MARCHF1: variants seen among roughly 807,000 people sequenced by gnomAD.
The protein encoded by MARCHF1 is E3 ubiquitin-protein ligase MARCHF1.
A neutral mutation model predicts 54.2 loss-of-function variants in MARCHF1; 40 were observed. The observed-to-expected ratio is 0.74, with a 90% CI of 0.57 to 0.96. MARCHF1 has a LOEUF of 0.96. MARCHF1 is among the 40% of genes least tolerant of loss of function. The pLI, the probability that MARCHF1 is intolerant of heterozygous loss-of-function variation, is 0.00. For synonymous variants in MARCHF1, 236 were observed against 236.3 expected, an observed-to-expected ratio of 1.00 and a Z score of 0.01; for missense variants, 586 against 656.5, an observed-to-expected ratio of 0.89 and a Z score of 1.17.
chr4:164,167,499 T>C (rs1207543718), intron 1 of MARCHF1, among the ~76,000 whole-genome samples: 2 of 151,556 alleles, frequency 1.3e-5, no homozygotes, highest in Non-Finnish European at 3.0e-5. Flanking sequence ...AAAAGCAAAG[T>C]TGGAGACATC....
At chr4:163,762,681 A>G (rs1746861590) in intron 4 of MARCHF1, among the ~76,000 whole-genome samples, 1 of 152,140 alleles carries the variant, frequency 6.6e-6, no homozygotes, top group Non-Finnish European at 1.5e-5. Context: ...ACTTACCTTA[A>G]TTAGTAATCA....
chr4:164,054,793 G>A (rs1356174076), intron 2 of MARCHF1, among the ~76,000 whole-genome samples: 2 of 108,814 alleles, frequency 1.8e-5, no homozygotes, highest in African/African-American at 3.5e-5. Context: ...TGGGGGGAGG[G>A]GGGAGGGATA....
At chr4:163,549,343 G>C (rs1023697308) in intron 8 of MARCHF1, among the ~76,000 whole-genome samples, 6 of 152,084 alleles carry the variant, frequency 3.9e-5, no homozygotes, top group Admixed American at 3.9e-4. Context: ...GTCTCTCGGT[G>C]TTGAGAAGAC....
At chr4:163,761,684 G>T (rs1166014455) in intron 4 of MARCHF1, among the ~76,000 whole-genome samples, 1 of 152,130 alleles carries the variant, frequency 6.6e-6, no homozygotes, top group Non-Finnish European at 1.5e-5. Context: ...ACAGTGAAGG[G>T]AATTCTGGGA....
chr4:164,340,405 T>TTATATACATATATATATA (rs58808830), intron 1 of MARCHF1, among the ~76,000 whole-genome samples: 24 of 95,642 alleles, frequency 2.5e-4, no homozygotes, highest in African/African-American at 8.3e-4. Flanking sequence ...AGGCCTTGAT[T>TTATATACATATATATATA]TATATATAGA....
At chr4:163,849,692 T>A (rs1303783387) in intron 4 of MARCHF1, among the ~76,000 whole-genome samples, 1 of 152,112 alleles carries the variant, frequency 6.6e-6, no homozygotes, top group Non-Finnish European at 1.5e-5. Flanking sequence ...GATTACCCAC[T>A]CCCATTCTTT....
At chr4:163,900,279 A>T (rs1306582427) in intron 3 of MARCHF1, among the ~76,000 whole-genome samples, 1 of 152,124 alleles carries the variant, frequency 6.6e-6, no homozygotes, top group Non-Finnish European at 1.5e-5. Flanking sequence ...AAATTAAAAA[A>T]ATATTTAGGG....
At chr4:164,001,390 T>C (rs1299793229) in intron 2 of MARCHF1, among the ~76,000 whole-genome samples, 1 of 151,682 alleles carries the variant, frequency 6.6e-6, no homozygotes, top group Non-Finnish European at 1.5e-5. Context: ...CAGGTAATAA[T>C]ATAAGAGACA....
intron 3 of MARCHF1, among the ~76,000 whole-genome samples, chr4:163,867,814 C>CT (rs34739113): frequency 0.75 from 98,154 of 130,976 alleles, 37,684 homozygotes; most frequent in East Asian, 0.93. Context: ...CATCAATTTC[C>CT]TTTTTTTTTT....
At chr4:163,594,598 T>C (rs1172679034) in intron 7 of MARCHF1, among the ~76,000 whole-genome samples, 11 of 151,548 alleles carry the variant, frequency 7.3e-5, no homozygotes, top group South Asian at 6.3e-4. Context: ...CATTAAAAAA[T>C]GAGCAAAGGA....
intron 4 of MARCHF1, among the ~76,000 whole-genome samples, chr4:163,709,212 G>T (rs1745035371): frequency 6.6e-6 from 1 of 152,116 alleles, no homozygotes. Context: ...AGCATGGCGG[G>T]ATTGAGGGAA....
intron 2 of MARCHF1, among the ~76,000 whole-genome samples, chr4:164,075,153 A>G (rs1356187463): frequency 6.6e-6 from 1 of 152,220 alleles, no homozygotes; most frequent in African/African-American, 2.4e-5. Context: ...GAAAACAGCA[A>G]AAGTGTCAAG....
rs182091367 is a variant in MARCHF1 at position 163,688,701 on chromosome 4, G to A, written c.162+12112C>T. On this transcript the variant is annotated intron_variant, in intron 5 of 9. Coordinates refer to ENST00000514618, the MANE Select transcript of MARCHF1 (RefSeq NM_001394959.1). ...AGTTTTTAATTAAGAAAATCCAGAC[G>A]GAGAAAATAATGATTGCTAAGAGTA... 2.6e-5 allele frequency among the ~76,000 whole-genome samples: 4 copies of A among 152,012 alleles called. No homozygotes were observed. The East Asian group carries it at 7.7e-4, about 29-fold the overall frequency.
At chr4:163,541,240 A>C (rs916414858) in intron 9 of MARCHF1, among the ~76,000 whole-genome samples, 4 of 152,326 alleles carry the variant, frequency 2.6e-5, no homozygotes, top group Middle Eastern at 3.4e-3. Flanking sequence ...GAGGCTTGGG[A>C]GTGAGTCAGC....
intron 4 of MARCHF1, among the ~76,000 whole-genome samples, chr4:163,824,221 T>C (rs1748779040): frequency 6.6e-6 from 1 of 152,046 alleles, no homozygotes; most frequent in African/African-American, 2.4e-5. Context: ...TTTTAAAATG[T>C]ATATACATAA....
intron 1 of MARCHF1, among the ~76,000 whole-genome samples, chr4:164,168,701 C>T (rs147876077): frequency 2.7e-5 from 4 of 149,958 alleles, no homozygotes; most frequent in African/African-American, 1.0e-4. Flanking sequence ...AACACATAGA[C>T]ACTCCTACAG....
chr4:163,784,444 A>T (rs956019919), intron 4 of MARCHF1, among the ~76,000 whole-genome samples: 4 of 152,150 alleles, frequency 2.6e-5, no homozygotes, highest in Non-Finnish European at 4.4e-5. Flanking sequence ...TAGGCAGAAC[A>T]AATGATTTGA....
intron 2 of MARCHF1, among the ~76,000 whole-genome samples, chr4:164,068,781 T>C (rs977892911): frequency 5.3e-5 from 8 of 152,176 alleles, no homozygotes; most frequent in Non-Finnish European, 1.2e-4. Context: ...CCTGCGGCCC[T>C]GGTGAGGGAT....
At chr4:164,069,730 A>G (rs1218004109) in intron 2 of MARCHF1, among the ~76,000 whole-genome samples, 2 of 152,216 alleles carry the variant, frequency 1.3e-5, no homozygotes, top group Non-Finnish European at 2.9e-5. Flanking sequence ...CAGTGAGACC[A>G]AGAACCCACC....
Sources: allele counts gnomAD v4.1 joint callset (sites outside exome capture counted in the v4.1 genomes callset), GRCh38; gene constraint gnomAD v4.1.1; transcripts MANE v1.5; gene names NCBI Gene and HGNC (gene_info 2026-07-23, HGNC 2026-07-21).